KCNIP1: variants seen among roughly 807,000 people sequenced by gnomAD.
The protein encoded by KCNIP1 is potassium voltage-gated channel interacting protein 1.
A neutral mutation model predicts 33.0 loss-of-function variants in KCNIP1; 18 were observed. That is an observed-to-expected ratio of 0.55 (90% CI 0.38 to 0.81). The LOEUF is 0.81. Ranked by LOEUF, KCNIP1 falls within the 30% of genes least tolerant of loss-of-function variation. KCNIP1 has a pLI of 0.00. For synonymous variants in KCNIP1, 93 were observed against 98.3 expected, an observed-to-expected ratio of 0.95 and a Z score of 0.32; for missense variants, 238 against 271.6, an observed-to-expected ratio of 0.88 and a Z score of 0.87.
intron 1 of KCNIP1, among the ~76,000 whole-genome samples, chr5:170,406,659 C>A (rs1755046145): frequency 6.6e-6 from 1 of 152,196 alleles, no homozygotes; most frequent in South Asian, 2.1e-4. Flanking sequence ...TATTTCTCCT[C>A]CCACATCAGC....
intron 1 of KCNIP1, among the ~76,000 whole-genome samples, chr5:170,493,030 A>G (rs895590249): frequency 5.9e-5 from 9 of 152,160 alleles, no homozygotes; most frequent in African/African-American, 9.7e-5. Context: ...TTACAGGCGT[A>G]AGCCACCTCC....
At chr5:170,526,199 T>G (rs1424785692) in intron 1 of KCNIP1, among the ~76,000 whole-genome samples, 2 of 152,222 alleles carry the variant, frequency 1.3e-5, no homozygotes, top group Non-Finnish European at 1.5e-5. Flanking sequence ...TACCCTCATT[T>G]GTAAAGTTCA....
intron 1 of KCNIP1, among the ~76,000 whole-genome samples, chr5:170,408,823 G>A (rs1755105636): frequency 6.6e-6 from 1 of 152,226 alleles, no homozygotes; most frequent in South Asian, 2.1e-4. Flanking sequence ...GCAGCAGAGT[G>A]AAGGCTCAGT....
chr5:170,694,044 G>A (rs1352859697), intron 1 of KCNIP1, among the ~76,000 whole-genome samples: 2 of 152,200 alleles, frequency 1.3e-5, no homozygotes, highest in Non-Finnish European at 2.9e-5. Flanking sequence ...GATGACAGGT[G>A]CCATTGCCCA....
At chr5:170,698,184 C>A (rs1762965655) in intron 1 of KCNIP1, among the ~76,000 whole-genome samples, 1 of 151,884 alleles carries the variant, frequency 6.6e-6, no homozygotes, top group African/African-American at 2.4e-5. Context: ...GTATCACAGG[C>A]CTTGCCACAT....
upstream of KCNIP1, among the ~76,000 whole-genome samples, chr5:170,499,942 C>T (rs145523086): frequency 0.011 from 1,623 of 152,232 alleles, 22 homozygotes; most frequent in Non-Finnish European, 0.017. Context: ...TTTCTGAGCT[C>T]ATGGATTGAC....
At chr5:170,356,398 G>A (rs2113278597) in intron 1 of KCNIP1, among the ~76,000 whole-genome samples, 1 of 152,218 alleles carries the variant, frequency 6.6e-6, no homozygotes, top group Non-Finnish European at 1.5e-5. Context: ...GACAAGGAGG[G>A]TCCAGGATCA....
intron 1 of KCNIP1, among the ~76,000 whole-genome samples, chr5:170,621,220 A>G (rs781286763): frequency 6.6e-6 from 1 of 152,226 alleles, no homozygotes; most frequent in Non-Finnish European, 1.5e-5. Context: ...GACATTAGGC[A>G]TAGAAACAGT....
At chr5:170,632,831 G>A (rs1760110884) in intron 1 of KCNIP1, among the ~76,000 whole-genome samples, 1 of 152,232 alleles carries the variant, frequency 6.6e-6, no homozygotes, top group African/African-American at 2.4e-5. Flanking sequence ...TTCTTCATCT[G>A]TAAGTGGGAA....
intron 1 of KCNIP1, among the ~76,000 whole-genome samples, chr5:170,629,950 G>T (rs1371977651): frequency 1.3e-5 from 2 of 152,228 alleles, no homozygotes; most frequent in Non-Finnish European, 2.9e-5. Flanking sequence ...GATGGGGCTG[G>T]GGCTGAGGCG....
At chr5:170,726,233 A>G (rs1764000236) in intron 5 of KCNIP1, among the ~76,000 whole-genome samples, 1 of 152,182 alleles carries the variant, frequency 6.6e-6, no homozygotes, top group South Asian at 2.1e-4. Flanking sequence ...AGGATACCAA[A>G]CCAATATAAA....
chr5:170,518,728 C>T (rs906965464), intron 1 of KCNIP1, among the ~76,000 whole-genome samples: 6 of 152,202 alleles, frequency 3.9e-5, no homozygotes, highest in Non-Finnish European at 7.3e-5. Context: ...CGGATGTCAG[C>T]TTGGCCTGGC....
chr5:170,598,338 G>C (rs1293962373), intron 1 of KCNIP1, among the ~76,000 whole-genome samples: 1 of 152,176 alleles, frequency 6.6e-6, no homozygotes, highest in Admixed American at 6.5e-5. Flanking sequence ...CAGGAAAGGA[G>C]GTGGCAGGTC....
intron 1 of KCNIP1, among the ~76,000 whole-genome samples, chr5:170,490,551 AC>A (rs2113198927): frequency 6.6e-6 from 1 of 152,198 alleles, no homozygotes; most frequent in African/African-American, 2.4e-5. Context: ...CAGTTTTTTG[AC>A]TTTGACATTG....
At chr5:170,633,885 C>T (rs1313346593) in intron 1 of KCNIP1, among the ~76,000 whole-genome samples, 1 of 151,996 alleles carries the variant, frequency 6.6e-6, no homozygotes, top group East Asian at 1.9e-4. Flanking sequence ...CATTTTAATC[C>T]CTCTGGCTGC....
intron 5 of KCNIP1, among the ~76,000 whole-genome samples, chr5:170,725,740 T>C (rs1372698370): frequency 6.6e-6 from 1 of 152,214 alleles, no homozygotes; most frequent in African/African-American, 2.4e-5. Context: ...TTATTACACA[T>C]TGTATGCCTG....
intron 1 of KCNIP1, among the ~76,000 whole-genome samples, chr5:170,571,745 G>A (rs1757415980): frequency 6.6e-6 from 1 of 152,184 alleles, no homozygotes; most frequent in Non-Finnish European, 1.5e-5. Context: ...TGTCAATAAT[G>A]GGACCGTGCT....
intron 1 of KCNIP1, among the ~76,000 whole-genome samples, chr5:170,658,845 A>C (rs900447911): frequency 2.6e-5 from 4 of 152,184 alleles, no homozygotes; most frequent in African/African-American, 9.7e-5. Flanking sequence ...CCAAGACAGC[A>C]ATGTTTTCCA....
chr5:170,464,566 G>T (rs972594795), intron 1 of KCNIP1, among the ~76,000 whole-genome samples: 3 of 152,188 alleles, frequency 2.0e-5, no homozygotes, highest in African/African-American at 2.4e-5. Context: ...TCACAACAAT[G>T]CAGTCAAGTG....
Sources: allele counts gnomAD v4.1 joint callset (sites outside exome capture counted in the v4.1 genomes callset), GRCh38; gene constraint gnomAD v4.1.1; transcripts MANE v1.5; gene names NCBI Gene and HGNC (gene_info 2026-07-23, HGNC 2026-07-21).